TMEM178B: variants seen among roughly 807,000 people sequenced by gnomAD.
TMEM178B encodes the protein transmembrane protein 178B.
Under a neutral mutation model 31.0 loss-of-function variants are expected in TMEM178B, and 5 were observed. The ratio of observed to expected loss-of-function variants is 0.16; its 90% CI spans 0.08 to 0.34. The LOEUF (loss-of-function observed/expected upper bound fraction) is 0.34, where lower values mean the gene tolerates loss of function less well. Ranked by LOEUF, TMEM178B falls within the 10% of genes least tolerant of loss-of-function variation. The pLI is 1.00. For missense variants in TMEM178B, 275 were observed against 400.3 expected, an observed-to-expected ratio of 0.69 and a Z score of 2.67; for synonymous variants, 164 against 164.0, an observed-to-expected ratio of 1.00 and a Z score of 0.00.
intron 2 of TMEM178B, among the ~76,000 whole-genome samples, chr7:141,292,727 T>C (rs1343296951): frequency 7.3e-6 from 1 of 136,998 alleles, no homozygotes; most frequent in East Asian, 2.4e-4. Context: ...AACCTCCGCC[T>C]CCCGGGTTCA....
At chr7:141,507,916 C>A in the TMEM178B span, among the ~76,000 whole-genome samples, 1 of 152,202 alleles carries the variant, frequency 6.6e-6, no homozygotes, top group Admixed American at 6.5e-5. Context: ...GGAAGGGCTG[C>A]CGTGAAGGTC....
intron 2 of TMEM178B, among the ~76,000 whole-genome samples, chr7:141,224,085 TA>T (rs1563123223): frequency 6.6e-6 from 1 of 152,196 alleles, no homozygotes; most frequent in Non-Finnish European, 1.5e-5. Context: ...CTGATGTTTT[TA>T]TAAAGCGTTT....
the TMEM178B span, among the ~76,000 whole-genome samples, chr7:141,492,131 C>T: frequency 6.6e-6 from 1 of 152,182 alleles, no homozygotes; most frequent in Admixed American, 6.5e-5. Context: ...ACGCACTAAT[C>T]TGACACCACC....
At chr7:141,341,646 C>G (rs1412616518) in intron 2 of TMEM178B, among the ~76,000 whole-genome samples, 1 of 152,156 alleles carries the variant, frequency 6.6e-6, no homozygotes, top group Non-Finnish European at 1.5e-5. Context: ...TTGGGATGAC[C>G]ACTAAGGGCT....
chr7:141,194,582 C>T (rs977871791), intron 1 of TMEM178B, among the ~76,000 whole-genome samples: 3 of 152,176 alleles, frequency 2.0e-5, no homozygotes, highest in African/African-American at 7.2e-5. Context: ...TCCCCACCAG[C>T]AGCTTTCCTG....
chr7:141,312,473 A>C (rs894524206), intron 2 of TMEM178B, among the ~76,000 whole-genome samples: 11 of 152,248 alleles, frequency 7.2e-5, no homozygotes, highest in Non-Finnish European at 1.6e-4. Context: ...AAGGAAAGGT[A>C]AAATGGGAGA....
chr7:141,140,284 C>T (rs111566386), intron 1 of TMEM178B, among the ~76,000 whole-genome samples: 2 of 152,176 alleles, frequency 1.3e-5, no homozygotes, highest in African/African-American at 2.4e-5. Flanking sequence ...TCTCCTTACA[C>T]GACTCAGACC....
At chr7:141,510,617 G>A in the TMEM178B span, among the ~76,000 whole-genome samples, 8,474 of 146,836 alleles carry the variant, frequency 0.058, 755 homozygotes, top group African/African-American at 0.2. Context: ...CCCCAGAGGC[G>A]GAGGTTGCGG....
chr7:141,074,378 C>T lies in TMEM178B; in HGVS notation c.68C>T (p.Ala23Val). 1 of 1,536,154 alleles carries T rather than the reference C, an allele frequency of 6.5e-7. No homozygotes were observed. The highest frequency in any genetic ancestry group is 1.2e-5 in the South Asian group (1 of 84,068). The change falls in exon 1 of 4, where the codon GCC becomes GTC. Residue 23 changes from alanine to valine, a missense_variant. By Grantham distance (64) the Ala-to-Val change is moderately conservative. Coordinates refer to ENST00000565468, the MANE Select transcript of TMEM178B (RefSeq NM_001195278.2). The surrounding 1 kb of genome is among the most constrained non-coding windows in gnomAD (Gnocchi z 5.1). ...GCGCTCTGCGCCCTCGGCATGCTGG[C>T]CGTGGCCATCTGCTCGGACCACTGG... ...SLALCALGMLAVAICSDHWYE... is the reference protein window; with the variant it reads ...SLALCALGMLVVAICSDHWYE...
chr7:141,083,585 G>C (rs933793724), intron 1 of TMEM178B, among the ~76,000 whole-genome samples: 2 of 152,038 alleles, frequency 1.3e-5, no homozygotes, highest in Admixed American at 6.6e-5. Context: ...GTTTGCAATA[G>C]GAATAGCTAA....
rs568391581 is a variant in TMEM178B, at chr7:141,180,217, A to T, written c.383-32374A>T. Among the ~76,000 whole-genome samples, 6 of 152,314 alleles carry T rather than the reference A, an allele frequency of 3.9e-5. No homozygotes were observed. The East Asian group carries it at 1.2e-3, about 29-fold the overall frequency. On this transcript the variant is annotated intron_variant, in intron 1 of 3. Transcript: ENST00000565468. ...AAACACAGGCCAGGCGTGGTGGCTC[A>T]TGCCTATAATTCCAGCACAGGCTGA... is the stretch of plus-strand genomic sequence containing the variant.
chr7:141,484,695 G>T (rs572710342), downstream of TMEM178B, among the ~76,000 whole-genome samples: 17 of 152,226 alleles, frequency 1.1e-4, 1 homozygote, highest in African/African-American at 3.6e-4. This position sits in a 1 kb window ranked among gnomAD's most constrained non-coding sequence, Gnocchi z 4.8. Context: ...CTGAGTAGGT[G>T]GGACTACAGG....
chr7:141,204,862 C>T (rs1411055449), intron 1 of TMEM178B, among the ~76,000 whole-genome samples: 1 of 152,152 alleles, frequency 6.6e-6, no homozygotes. Context: ...GCTCTGTCAC[C>T]CAGGCTGGAG....
chr7:141,338,703 C>A (rs933365215), intron 2 of TMEM178B, among the ~76,000 whole-genome samples: 2 of 152,204 alleles, frequency 1.3e-5, no homozygotes, highest in Admixed American at 6.5e-5. Flanking sequence ...AACTGTCCCC[C>A]TGGCCAGCCA....
intron 1 of TMEM178B, among the ~76,000 whole-genome samples, chr7:141,173,970 A>T (rs1796386536): frequency 6.6e-6 from 1 of 152,140 alleles, no homozygotes; most frequent in East Asian, 1.9e-4. Flanking sequence ...CATTTTTTAA[A>T]AATTATACTG....
intron 1 of TMEM178B, among the ~76,000 whole-genome samples, chr7:141,142,796 G>A (rs1227166314): frequency 2.0e-5 from 3 of 152,180 alleles, no homozygotes; most frequent in African/African-American, 7.2e-5. Context: ...AGAAATCTCC[G>A]AATTGCTTTC....
At chr7:141,236,325 G>A (rs1029594502) in intron 2 of TMEM178B, among the ~76,000 whole-genome samples, 2 of 152,348 alleles carry the variant, frequency 1.3e-5, no homozygotes, top group South Asian at 2.1e-4. Flanking sequence ...GGGAAAGAGA[G>A]GAGAAAGCAG....
At chr7:141,499,373 A>C in the TMEM178B span, among the ~76,000 whole-genome samples, 1 of 150,932 alleles carries the variant, frequency 6.6e-6, no homozygotes, top group South Asian at 2.1e-4. Context: ...TATGCCTATA[A>C]TCTCAGCACT....
intron 1 of TMEM178B, among the ~76,000 whole-genome samples, chr7:141,077,321 C>T (rs1794615862): frequency 6.6e-6 from 1 of 152,026 alleles, no homozygotes; most frequent in Admixed American, 6.5e-5. Flanking sequence ...AAAAAGAAAA[C>T]CAGAGAAAAG....
Sources: allele counts gnomAD v4.1 joint callset (sites outside exome capture counted in the v4.1 genomes callset), GRCh38; gene constraint gnomAD v4.1.1; non-coding constraint Gnocchi (gnomAD v3.1); transcripts MANE v1.5; gene names NCBI Gene and HGNC (gene_info 2026-07-23, HGNC 2026-07-21).